NRG3: variants seen among roughly 807,000 people sequenced by gnomAD.
NRG3 encodes the protein neuregulin 3, also known as pro-neuregulin-3, membrane-bound isoform.
In NRG3, 31 loss-of-function variants were observed where a neutral mutation model predicts 66.9. The ratio of observed to expected loss-of-function variants is 0.46; its 90% CI spans 0.35 to 0.63. NRG3 has a LOEUF of 0.63. NRG3 is among the 20% of genes least tolerant of loss of function. The pLI is 0.00. For missense variants in NRG3, 910 were observed against 878.9 expected (o/e 1.04, Z -0.45); for synonymous variants, 393 against 359.4 (o/e 1.09, Z -1.06).
intron 1 of NRG3, among the ~76,000 whole-genome samples, chr10:82,090,988 CAAA>C (rs1370258460): frequency 6.6e-6 from 1 of 152,026 alleles, no homozygotes; most frequent in East Asian, 1.9e-4. Flanking sequence ...GCATTTAAGA[CAAA>C]AACGTTTTAG....
At chr10:82,785,946 T>A (rs925175875) in intron 3 of NRG3, among the ~76,000 whole-genome samples, 1 of 152,102 alleles carries the variant, frequency 6.6e-6, no homozygotes, top group Non-Finnish European at 1.5e-5. Context: ...ATTTCAGGTG[T>A]GCAGAATGCA....
intron 2 of NRG3, among the ~76,000 whole-genome samples, chr10:82,538,001 A>G (rs1442289512): frequency 2.0e-5 from 3 of 152,202 alleles, no homozygotes; most frequent in Admixed American, 2.0e-4. Flanking sequence ...TTCCCTGTTC[A>G]TTCATATAGG....
intron 1 of NRG3, among the ~76,000 whole-genome samples, chr10:81,909,691 A>G (rs1276272459): frequency 6.6e-6 from 1 of 152,204 alleles, no homozygotes; most frequent in Non-Finnish European, 1.5e-5. Flanking sequence ...AAGCAGTTGT[A>G]TCCTCATGAC....
chr10:82,842,682 C>A (rs1223733741), intron 3 of NRG3, among the ~76,000 whole-genome samples: 2 of 152,120 alleles, frequency 1.3e-5, no homozygotes, highest in Non-Finnish European at 2.9e-5. Flanking sequence ...ACAGAGAACG[C>A]CTGAAACCAT....
At chr10:82,767,202 C>A (rs575189552) in intron 3 of NRG3, among the ~76,000 whole-genome samples, 23 of 152,096 alleles carry the variant, frequency 1.5e-4, no homozygotes, top group Admixed American at 7.9e-4. Context: ...CCAGTTATTT[C>A]ACCTTGTCTC....
In NRG3 at chr10:82,098,312, A is replaced by G. The variant is rs182067229; in HGVS notation, c.823+222149A>G. ...TTATATATATGTCATATATATAGAT[A>G]TAGATGTCATCTATATATATGACAT... On this transcript the variant is annotated intron_variant, in intron 1 of 8. Transcript: ENST00000372141. Among the ~76,000 whole-genome samples the G allele has an allele frequency of 6.2e-4, 93 of 150,994 alleles. 1 individual carries two copies. The South Asian group carries it at 7.1e-3, about 11-fold the overall frequency.
chr10:82,008,103 T>C (rs2061442691), intron 1 of NRG3, among the ~76,000 whole-genome samples: 5 of 152,202 alleles, frequency 3.3e-5, no homozygotes, highest in Admixed American at 3.3e-4. Flanking sequence ...ATCCCATTTC[T>C]CATGAGGCTT....
At chr10:82,923,104 A>G (rs914829886) in intron 4 of NRG3, among the ~76,000 whole-genome samples, 12 of 152,326 alleles carry the variant, frequency 7.9e-5, no homozygotes, top group African/African-American at 2.9e-4. Context: ...GAACAAAGCC[A>G]TTCTAAAATA....
At chr10:82,075,682 G>T (rs765384103) in intron 1 of NRG3, among the ~76,000 whole-genome samples, 1 of 151,816 alleles carries the variant, frequency 6.6e-6, no homozygotes, top group Non-Finnish European at 1.5e-5. Context: ...TTCCTTATAC[G>T]TTCTGTAATT....
intron 2 of NRG3, among the ~76,000 whole-genome samples, chr10:82,607,755 T>C (rs1707089578): frequency 6.6e-6 from 1 of 152,092 alleles, no homozygotes; most frequent in Admixed American, 6.6e-5. Context: ...TTTTTCCTGT[T>C]TTCTGTAGTA....
intron 1 of NRG3, among the ~76,000 whole-genome samples, chr10:82,064,451 G>A (rs915122608): frequency 6.6e-6 from 1 of 151,840 alleles, no homozygotes; most frequent in Non-Finnish European, 1.5e-5. Flanking sequence ...ATAATCATTT[G>A]CTGAACAAAT....
At chr10:82,183,868 T>A (rs2073613608) in intron 1 of NRG3, among the ~76,000 whole-genome samples, 1 of 152,084 alleles carries the variant, frequency 6.6e-6, no homozygotes, top group African/African-American at 2.4e-5. Context: ...GTGAGGAAGA[T>A]GGTTATCTCC....
chr10:82,969,708 C>A (rs1851553731), intron 6 of NRG3, among the ~76,000 whole-genome samples: 2 of 152,206 alleles, frequency 1.3e-5, no homozygotes, highest in Admixed American at 1.3e-4. Context: ...GTTCCCTAGT[C>A]TCCATAGCTT....
chr10:82,066,634 C>A (rs2064485906), intron 1 of NRG3, among the ~76,000 whole-genome samples: 1 of 152,166 alleles, frequency 6.6e-6, no homozygotes, highest in Admixed American at 6.5e-5. Context: ...TCTATAAGAT[C>A]CATGTCTGCT....
At chr10:82,813,207 T>TTC (rs1421602790) in intron 3 of NRG3, among the ~76,000 whole-genome samples, 4 of 109,372 alleles carry the variant, frequency 3.7e-5, no homozygotes, top group Non-Finnish European at 5.9e-5. Context: ...TACCCTCTGT[T>TTC]TCTCTTTTTT....
chr10:82,423,732 A>C lies in NRG3; in HGVS notation c.953+64864A>C, dbSNP rs571760457. Among the ~76,000 whole-genome samples, 6 of 152,094 alleles carry C rather than the reference A, an allele frequency of 3.9e-5. No homozygotes were observed. The South Asian group carries it at 1.2e-3, about 32-fold the overall frequency. ...GGTGTTGATATTCACATAGCAGTGCAATCACCGCCACTATTTAATTTTAGC... is the reference window on the plus strand; with the variant it reads ...GGTGTTGATATTCACATAGCAGTGCCATCACCGCCACTATTTAATTTTAGC... On this transcript the variant is annotated intron_variant, in intron 2 of 8. Transcript: ENST00000372141.
chr10:82,367,386 A>AAACT (rs1197414529), intron 2 of NRG3, among the ~76,000 whole-genome samples: 1 of 152,194 alleles, frequency 6.6e-6, no homozygotes, highest in African/African-American at 2.4e-5. Context: ...AAACACCTTG[A>AAACT]AAATTACTGG....
chr10:81,954,867 C>T (rs1849677584), intron 1 of NRG3, among the ~76,000 whole-genome samples: 1 of 152,008 alleles, frequency 6.6e-6, no homozygotes, highest in Admixed American at 6.6e-5. Flanking sequence ...TAACCACTAG[C>T]AGTTTTAAGG....
intron 1 of NRG3, chr10:82,166,885 G>GTT: frequency 1.7e-5 from 10 of 579,942 alleles, no homozygotes; most frequent in South Asian, 4.3e-5. Context: ...TTTCTCAGTA[G>GTT]TTTTTTTTTA....
Sources: gnomAD v4.1 joint callset for allele counts (sites outside exome capture counted in the v4.1 genomes callset) on GRCh38, gnomAD v4.1.1 for gene constraint, MANE v1.5 for transcripts, NCBI Gene and HGNC (gene_info 2026-07-23, HGNC 2026-07-21) for gene names.